The following ROBO1 variants were observed in gnomAD, a reference collection of about 807,000 sequenced individuals.
The protein encoded by ROBO1 is roundabout guidance receptor 1.
A neutral mutation model predicts 195.9 loss-of-function variants in ROBO1; 149 were observed. The observed-to-expected ratio is 0.76, with a 90% CI of 0.67 to 0.87. ROBO1 has a LOEUF of 0.87. Ranked by LOEUF, ROBO1 falls within the 40% of genes least tolerant of loss-of-function variation. ROBO1 has a pLI of 0.00. For missense variants in ROBO1, 1,933 were observed against 2,068.3 expected, an observed-to-expected ratio of 0.93 and a Z score of 1.27; for synonymous variants, 816 against 733.2, an observed-to-expected ratio of 1.11 and a Z score of -1.82.
At chr3:78,954,599 T>G (rs541878290) in intron 3 of ROBO1, among the ~76,000 whole-genome samples, 1 of 152,226 alleles carries the variant, frequency 6.6e-6, no homozygotes, top group South Asian at 2.1e-4. Flanking sequence ...TTTTCAATCA[T>G]GAAAAACAGC....
At chr3:78,950,980 C>T (rs148161351) in intron 3 of ROBO1, among the ~76,000 whole-genome samples, 1,650 of 151,744 alleles carry the variant, frequency 0.011, 32 homozygotes, top group African/African-American at 0.037. Flanking sequence ...TGGTTTCTAA[C>T]TTTTTTTCTG....
chr3:79,701,894 C>G lies in ROBO1; in HGVS notation c.-51+65858G>C, dbSNP rs1252174540. Among the ~76,000 whole-genome samples the G allele has an allele frequency of 2.6e-5, 4 of 151,318 alleles. No individual in the cohort carries two copies. The South Asian group carries it at 8.3e-4, about 32-fold the overall frequency. ...TAAAATTAAGTTCATCTTAAATTAC[C>G]CATATGGCTCACTTTATGACTATGG... On this transcript the variant is annotated intron_variant, in intron 1 of 30. Transcript: ENST00000464233.
At chr3:79,560,382 G>T (rs1242302521) in intron 2 of ROBO1, among the ~76,000 whole-genome samples, 6 of 103,998 alleles carry the variant, frequency 5.8e-5, no homozygotes, top group African/African-American at 2.3e-4. Context: ...GGGGACTGTT[G>T]TGGGGTGGGG....
At chr3:78,733,581 A>G (rs2082329319) in intron 5 of ROBO1, among the ~76,000 whole-genome samples, 1 of 152,208 alleles carries the variant, frequency 6.6e-6, no homozygotes, top group African/African-American at 2.4e-5. Context: ...GATAAAATGT[A>G]TAAACAATTC....
intron 1 of ROBO1, among the ~76,000 whole-genome samples, chr3:79,594,998 T>A (rs1399285106): frequency 6.6e-6 from 1 of 151,972 alleles, no homozygotes; most frequent in East Asian, 1.9e-4. Context: ...TGTAGTTCAA[T>A]TTTGACAAAT....
At chr3:79,390,377 T>TG (rs1247724406) in intron 2 of ROBO1, among the ~76,000 whole-genome samples, 1 of 151,920 alleles carries the variant, frequency 6.6e-6, no homozygotes, top group African/African-American at 2.4e-5. Flanking sequence ...GATTAGCAAG[T>TG]GACTCTACAA....
At chr3:79,721,039 G>T (rs1159246231) in intron 1 of ROBO1, among the ~76,000 whole-genome samples, 1 of 152,092 alleles carries the variant, frequency 6.6e-6, no homozygotes, top group Admixed American at 6.6e-5. Context: ...TGATCCACCC[G>T]CCTTGGCCTC....
chr3:78,915,666 C>T (rs1400514457), intron 4 of ROBO1, among the ~76,000 whole-genome samples: 4 of 151,616 alleles, frequency 2.6e-5, no homozygotes. Flanking sequence ...AAAATTCCTT[C>T]CTTCCTTCAT....
intron 1 of ROBO1, among the ~76,000 whole-genome samples, chr3:79,688,773 G>A (rs1191572621): frequency 6.6e-6 from 1 of 151,922 alleles, no homozygotes; most frequent in Non-Finnish European, 1.5e-5. Context: ...TTCTCCCAGA[G>A]TCCTAAAATT....
chr3:79,537,450 T>C (rs1283845092), intron 2 of ROBO1, among the ~76,000 whole-genome samples: 1 of 152,152 alleles, frequency 6.6e-6, no homozygotes, highest in Admixed American at 6.6e-5. Flanking sequence ...ACAAAGATTC[T>C]ATGGAATTTC....
intron 3 of ROBO1, among the ~76,000 whole-genome samples, chr3:78,980,619 A>T (rs928524260): frequency 5.3e-5 from 8 of 152,190 alleles, no homozygotes; most frequent in Non-Finnish European, 1.2e-4. Flanking sequence ...ACACCGTAAC[A>T]ATAACTACTA....
At chr3:79,202,549 A>G (rs1252173720) in intron 2 of ROBO1, among the ~76,000 whole-genome samples, 1 of 151,862 alleles carries the variant, frequency 6.6e-6, no homozygotes, top group African/African-American at 2.4e-5. Context: ...AAAATCAGAA[A>G]TGGAGTTGAG....
At chr3:78,819,189 G>T (rs917131911) in intron 4 of ROBO1, among the ~76,000 whole-genome samples, 1 of 152,024 alleles carries the variant, frequency 6.6e-6, no homozygotes, top group Non-Finnish European at 1.5e-5. Context: ...AACATCTCTT[G>T]ATTCTTATCT....
intron 3 of ROBO1, among the ~76,000 whole-genome samples, chr3:79,097,011 G>GT: frequency 6.6e-6 from 1 of 151,602 alleles, no homozygotes; most frequent in Admixed American, 6.6e-5. Flanking sequence ...CTTTATTTTA[G>GT]TTTTAAAAAT....
intron 3 of ROBO1, among the ~76,000 whole-genome samples, chr3:78,988,058 T>C (rs2077153235): frequency 6.6e-6 from 1 of 152,156 alleles, no homozygotes; most frequent in Admixed American, 6.5e-5. Context: ...GGTGAGTAAA[T>C]AGACATGGCA....
At chr3:79,315,999 A>G (rs1304127961) in intron 2 of ROBO1, among the ~76,000 whole-genome samples, 1 of 152,194 alleles carries the variant, frequency 6.6e-6, no homozygotes, top group South Asian at 2.1e-4. Context: ...CTTGAAATCC[A>G]CTATAATAAC....
At chr3:79,616,169 G>A (rs1199875924) in intron 1 of ROBO1, among the ~76,000 whole-genome samples, 2 of 152,114 alleles carry the variant, frequency 1.3e-5, no homozygotes, top group Non-Finnish European at 2.9e-5. Context: ...AGCTTGTGCA[G>A]GTTCATTCAC....
At chr3:79,329,780 C>G (rs998091868) in intron 2 of ROBO1, among the ~76,000 whole-genome samples, 2 of 152,132 alleles carry the variant, frequency 1.3e-5, no homozygotes, top group African/African-American at 4.8e-5. Flanking sequence ...TAGTAAATCT[C>G]AAGCAACGTA....
intron 2 of ROBO1, among the ~76,000 whole-genome samples, chr3:79,547,163 A>G (rs367624981): frequency 2.3e-5 from 3 of 131,790 alleles, no homozygotes; most frequent in Non-Finnish European, 4.7e-5. Flanking sequence ...CCAGCCTGGC[A>G]GACAGAGCGA....
Sources: allele counts gnomAD v4.1 joint callset (sites outside exome capture counted in the v4.1 genomes callset), GRCh38; gene constraint gnomAD v4.1.1; transcripts MANE v1.5; gene names NCBI Gene and HGNC (gene_info 2026-07-23, HGNC 2026-07-21).